RNF150: variants seen among roughly 807,000 people sequenced by gnomAD.
RNF150 encodes the protein ring finger protein 150.
A neutral mutation model predicts 39.3 loss-of-function variants in RNF150; 24 were observed. The observed-to-expected ratio is 0.61, with a 90% CI of 0.44 to 0.86. The LOEUF (loss-of-function observed/expected upper bound fraction) is 0.86. Ranked by LOEUF, RNF150 falls within the 40% of genes least tolerant of loss-of-function variation. The pLI is 0.00. For synonymous variants in RNF150, 255 were observed against 227.3 expected (o/e 1.12, Z -1.10); for missense variants, 502 against 587.8 (o/e 0.85, Z 1.51).
Position 140,860,080 on chromosome 4 carries a change from A to G in RNF150, c.*8181T>C, listed in dbSNP as rs1379395026. ...TCCAAGTACAAAGAGAATAGAATAA[A>G]GCAAAATAAAAGTCTGTGTCTCCTA... On this transcript the variant is annotated 3_prime_UTR_variant, in exon 7 of 7. Transcript: ENST00000515673. The G allele has an allele frequency of 6.6e-6, 1 of 152,120 alleles. No homozygotes were observed. The highest frequency in any genetic ancestry group is 1.9e-4 in the East Asian group (1 of 5,194). 9.4% of individuals were successfully genotyped at this position (152,120 alleles called of 1,614,324 possible).
At chr4:141,061,051 T>C (rs1560715475) in intron 1 of RNF150, among the ~76,000 whole-genome samples, 1 of 151,896 alleles carries the variant, frequency 6.6e-6, no homozygotes. Context: ...GATAGGTTGA[T>C]GGGTGCAGCA....
At chr4:140,973,769 T>C (rs1046924861) in intron 1 of RNF150, among the ~76,000 whole-genome samples, 1 of 150,028 alleles carries the variant, frequency 6.7e-6, no homozygotes, top group Non-Finnish European at 1.5e-5. Flanking sequence ...CCCAGCTACT[T>C]GGGAGGCTGA....
chr4:141,157,186 C>T (rs1050445257), intron 1 of RNF150, among the ~76,000 whole-genome samples: 1 of 152,064 alleles, frequency 6.6e-6, no homozygotes, highest in Non-Finnish European at 1.5e-5. Flanking sequence ...TAGATAGCTG[C>T]AGGATTCAGG....
chr4:141,153,343 G>C (rs943926730), intron 1 of RNF150, among the ~76,000 whole-genome samples: 3 of 152,118 alleles, frequency 2.0e-5, no homozygotes, highest in African/African-American at 4.8e-5. Flanking sequence ...ATTAAGGTGG[G>C]TCTTAATCCA....
chr4:141,159,917 T>G (rs144321718), intron 1 of RNF150, among the ~76,000 whole-genome samples: 3 of 152,164 alleles, frequency 2.0e-5, no homozygotes, highest in Non-Finnish European at 4.4e-5. Flanking sequence ...TGGTGTGTTT[T>G]TTTTTCAAAC....
At chr4:141,144,882 G>T (rs1395771415) in intron 1 of RNF150, among the ~76,000 whole-genome samples, 1 of 152,098 alleles carries the variant, frequency 6.6e-6, no homozygotes, top group Non-Finnish European at 1.5e-5. Context: ...CTGATTAAAT[G>T]AACCAAGATG....
chr4:140,941,689 T>C (rs1732088295), intron 4 of RNF150, among the ~76,000 whole-genome samples: 1 of 152,160 alleles, frequency 6.6e-6, no homozygotes, highest in South Asian at 2.1e-4. Context: ...AAAAGGCTAC[T>C]GCAGAAAGCC....
At chr4:140,989,739 C>T (rs956498350) in intron 1 of RNF150, among the ~76,000 whole-genome samples, 10 of 151,930 alleles carry the variant, frequency 6.6e-5, no homozygotes, top group African/African-American at 2.4e-4. Context: ...TATCCTTTCA[C>T]CTTGCTTTTT....
At chr4:141,004,224 G>A (rs1433546041) in intron 1 of RNF150, among the ~76,000 whole-genome samples, 3 of 139,332 alleles carry the variant, frequency 2.2e-5, no homozygotes, top group African/African-American at 5.3e-5. Flanking sequence ...AAGAACAGAT[G>A]TTAGTAAAAA....
intron 1 of RNF150, among the ~76,000 whole-genome samples, chr4:141,042,346 T>C (rs182689520): frequency 2.0e-4 from 31 of 152,198 alleles, no homozygotes; most frequent in Non-Finnish European, 4.4e-5. Flanking sequence ...AAATCAACTT[T>C]CCAGGTCTCT....
chr4:141,092,458 T>C (rs552471815), intron 1 of RNF150, among the ~76,000 whole-genome samples: 27 of 152,336 alleles, frequency 1.8e-4, no homozygotes, highest in African/African-American at 6.3e-4. Flanking sequence ...TTTTTAAAAA[T>C]CCTTTGGTAT....
At chr4:141,172,119 A>G (rs1727739172) in intron 1 of RNF150, among the ~76,000 whole-genome samples, 1 of 152,166 alleles carries the variant, frequency 6.6e-6, no homozygotes, top group Admixed American at 6.5e-5. Flanking sequence ...TTTTTCCCTC[A>G]TGAGTTTGCT....
At chr4:141,206,394 G>A (rs1471930584) in intron 1 of RNF150, among the ~76,000 whole-genome samples, 1 of 142,410 alleles carries the variant, frequency 7.0e-6, no homozygotes, top group African/African-American at 2.6e-5. Flanking sequence ...ACTCCAGCCC[G>A]GGTGACAACA....
intron 1 of RNF150, among the ~76,000 whole-genome samples, chr4:141,047,368 A>T (rs1736620132): frequency 6.6e-6 from 1 of 152,174 alleles, no homozygotes; most frequent in Non-Finnish European, 1.5e-5. Flanking sequence ...TTCCATTTGC[A>T]GCTGAGACAG....
At position 141,203,316 on chromosome 4, in the gene RNF150, T is replaced by C. The variant is rs554142588; in HGVS notation, c.-6+9478A>G. ...ATATATATATCTTGGAGATATATAA[T>C]CTTGGAGATGATATATATATATCTT... On this transcript the variant is annotated intron_variant, in intron 1 of 7. Coordinates refer to the RNF150 transcript ENST00000420921. Among the ~76,000 whole-genome samples, 84 of 149,064 alleles carry C rather than the reference T, an allele frequency of 5.6e-4. 1 individual carries two copies. Among genetic ancestry groups the C allele is most frequent in the African/African-American group, 2.0e-3 (81 of 40,600 alleles).
At chr4:140,886,671 G>T (rs1385366442) in intron 6 of RNF150, among the ~76,000 whole-genome samples, 2 of 152,118 alleles carry the variant, frequency 1.3e-5, no homozygotes, top group African/African-American at 4.8e-5. Context: ...ATACTGGAGT[G>T]CAGCAACACA....
intron 6 of RNF150, among the ~76,000 whole-genome samples, chr4:140,892,668 G>T (rs1011661856): frequency 2.7e-5 from 4 of 149,496 alleles, no homozygotes; most frequent in Non-Finnish European, 5.9e-5. Flanking sequence ...TCTTGGCTTC[G>T]CAGGCTCCTT....
chr4:140,983,243 T>G (rs892391647), intron 1 of RNF150, among the ~76,000 whole-genome samples: 5 of 152,124 alleles, frequency 3.3e-5, no homozygotes, highest in Non-Finnish European at 7.4e-5. Context: ...TATTTTTCAT[T>G]AACTTTTGCT....
chr4:141,014,969 C>T (rs1055527298), intron 1 of RNF150, among the ~76,000 whole-genome samples: 4 of 151,734 alleles, frequency 2.6e-5, no homozygotes, highest in African/African-American at 9.7e-5. Flanking sequence ...TATTTAAGTT[C>T]TTAATCTGTT....
Sources: allele counts gnomAD v4.1 joint callset (sites outside exome capture counted in the v4.1 genomes callset), GRCh38; gene constraint gnomAD v4.1.1; transcripts MANE v1.5; gene names NCBI Gene and HGNC (gene_info 2026-07-23, HGNC 2026-07-21).